Variants in ATP6V0A1 observed in about 807,000 individuals in gnomAD.
The protein encoded by ATP6V0A1 is V-type proton ATPase 116 kDa subunit a 1.
A neutral mutation model predicts 105.4 loss-of-function variants in ATP6V0A1; 43 were observed. The observed-to-expected ratio is 0.41, with a 90% CI of 0.32 to 0.53. ATP6V0A1 has a LOEUF of 0.53. Ranked by LOEUF, ATP6V0A1 falls within the 20% of genes least tolerant of loss-of-function variation. ATP6V0A1 has a pLI of 0.30. For missense variants in ATP6V0A1, 676 were observed against 1,051.1 expected, an observed-to-expected ratio of 0.64 and a Z score of 4.93; for synonymous variants, 362 against 372.8, an observed-to-expected ratio of 0.97 and a Z score of 0.33.
intron 9 of ATP6V0A1, among the ~76,000 whole-genome samples, chr17:42,486,575 A>G (rs1055073588): frequency 6.6e-6 from 1 of 152,210 alleles, no homozygotes; most frequent in African/African-American, 2.4e-5. Flanking sequence ...GAAGCCTGAC[A>G]TAAAGGTAAC....
At chr17:42,518,032 T>C (rs1010314064) in intron 21 of ATP6V0A1, 2 of 152,378 alleles carry the variant, frequency 1.3e-5, no homozygotes, top group East Asian at 3.9e-4. Context: ...GAGTTTTCTC[T>C]CTTTTCCTCC....
rs537139669 is a variant in ATP6V0A1, at chr17:42,465,144, C to T, written c.118-1285C>T. ...AGTAGCTGGGATTACAGGCATGTAC[C>T]ATCATGCCCGGCTAATTTTTTGTAT... On this transcript the variant is annotated intron_variant, in intron 2 of 21. Transcript: ENST00000343619. Among the ~76,000 whole-genome samples, 4 of 150,514 alleles carry T rather than the reference C, an allele frequency of 2.7e-5. No homozygotes were observed. The South Asian group carries it at 8.4e-4, about 32-fold the overall frequency.
chr17:42,502,539 A>G (rs1484341040), intron 17 of ATP6V0A1, among the ~76,000 whole-genome samples: 4 of 152,184 alleles, frequency 2.6e-5, no homozygotes, highest in Admixed American at 2.0e-4. Flanking sequence ...CGAGATGTTC[A>G]GTATCATGCA....
At chr17:42,459,537 G>A (rs2086158486) in intron 1 of ATP6V0A1, among the ~76,000 whole-genome samples, 1 of 152,190 alleles carries the variant, frequency 6.6e-6, no homozygotes, top group South Asian at 2.1e-4. Context: ...AGATATTCTT[G>A]GGAGACCTAT....
intron 5 of ATP6V0A1, among the ~76,000 whole-genome samples, chr17:42,473,719 C>A (rs1245697942): frequency 2.0e-5 from 3 of 152,112 alleles, no homozygotes; most frequent in Non-Finnish European, 4.4e-5. Context: ...AGCCAGCTTC[C>A]TATTATGGTT....
At chr17:42,480,627 A>G in intron 7 of ATP6V0A1, 40 bp from the exon 8 acceptor site, 1 of 1,578,186 alleles carries the variant, frequency 6.3e-7, no homozygotes, top group East Asian at 2.3e-5. Context: ...TCATCCAGAT[A>G]CAGAAGTCTG....
At chr17:42,479,273 A>G (rs548077051) in intron 7 of ATP6V0A1, among the ~76,000 whole-genome samples, 8 of 152,322 alleles carry the variant, frequency 5.3e-5, no homozygotes, top group African/African-American at 1.9e-4. Flanking sequence ...TGATCTTAAT[A>G]AGCTGATGAA....
At chr17:42,481,656 C>T (rs879744379) in intron 8 of ATP6V0A1, among the ~76,000 whole-genome samples, 5 of 151,992 alleles carry the variant, frequency 3.3e-5, no homozygotes, top group Admixed American at 3.3e-4. Context: ...CCAGCCTGGC[C>T]AACTTAGTGA....
chr17:42,500,699 C>G lies in ATP6V0A1; in HGVS notation c.1680-8C>G, dbSNP rs1394851001. 1 of 1,605,822 alleles carries G rather than the reference C, an allele frequency of 6.2e-7. No individual in the cohort carries two copies. The highest frequency in any genetic ancestry group is 8.5e-7 in the Non-Finnish European group (1 of 1,173,010). The stretch of plus-strand genomic sequence containing the variant: ...TACCCTTAACATTTTTTTCTCTCTC[C>G]TTTTTAGCTATTTCAAGAAGCCCCT... On this transcript the variant is annotated splice_polypyrimidine_tract_variant and splice_region_variant and intron_variant, in intron 15 of 21. Coordinates refer to ENST00000343619, the MANE Select transcript of ATP6V0A1 (RefSeq NM_001130021.3).
intron 2 of ATP6V0A1, among the ~76,000 whole-genome samples, chr17:42,463,386 T>C (rs1419892879): frequency 1.3e-5 from 2 of 152,196 alleles, no homozygotes; most frequent in African/African-American, 4.8e-5. Context: ...ACCTCTGTTT[T>C]GATTGCTGTC....
chr17:42,485,563 G>A (rs2090026237), intron 9 of ATP6V0A1, among the ~76,000 whole-genome samples: 1 of 151,718 alleles, frequency 6.6e-6, no homozygotes, highest in Admixed American at 6.6e-5. Context: ...GTTTTGTTTT[G>A]TTTTGTTTTA....
intron 10 of ATP6V0A1, among the ~76,000 whole-genome samples, chr17:42,487,599 G>A (rs2090226469): frequency 6.6e-6 from 1 of 152,088 alleles, no homozygotes; most frequent in Admixed American, 6.6e-5. Context: ...GTGTTGGCAG[G>A]CGCCTGTAGT....
intron 20 of ATP6V0A1, 75 bp from the exon 21 acceptor site, chr17:42,514,213 GA>G: frequency 6.6e-7 from 1 of 1,511,468 alleles, no homozygotes; most frequent in Non-Finnish European, 8.9e-7. Context: ...AGAGCAGGGG[GA>G]TGGCAGAGCA....
chr17:42,520,574 T>C (rs1188530973), intron 21 of ATP6V0A1: 2 of 456,936 alleles, frequency 4.4e-6, no homozygotes, highest in African/African-American at 4.0e-5. Flanking sequence ...CAACATTCAC[T>C]CCAAGCTCGC....
chr17:42,501,568 C>T (rs2091672732), intron 17 of ATP6V0A1, among the ~76,000 whole-genome samples: 1 of 151,996 alleles, frequency 6.6e-6, no homozygotes, highest in Non-Finnish European at 1.5e-5. Context: ...GTGTACGCCA[C>T]CACACCTGGC....
At chr17:42,510,176 C>T (rs889058363) in intron 19 of ATP6V0A1, 1 of 152,274 alleles carries the variant, frequency 6.6e-6, no homozygotes, top group Non-Finnish European at 1.5e-5. Flanking sequence ...CGTGACCACT[C>T]AGCAAGGGTC....
chr17:42,502,146 G>C (rs2091720597), intron 17 of ATP6V0A1, among the ~76,000 whole-genome samples: 1 of 152,224 alleles, frequency 6.6e-6, no homozygotes, highest in Non-Finnish European at 1.5e-5. Flanking sequence ...ATTCAGCTTT[G>C]AGTAGCTAGA....
In ATP6V0A1 at chr17:42,485,347, T is replaced by C. The variant is rs73297641; in HGVS notation, c.811-1808T>C. Among the ~76,000 whole-genome samples, 1,410 of 152,280 alleles carry C rather than the reference T, an allele frequency of 9.3e-3. 30 individuals are homozygous for C. Among genetic ancestry groups the C allele is most frequent in the African/African-American group, 0.032 (1,336 of 41,556 alleles). ...ATCTCCTTCCAGACCTATGGGTAGA[T>C]TTAAAGAGCATATGTGGTAGTCATT... On this transcript the variant is annotated intron_variant, in intron 9 of 21. Transcript: ENST00000343619.
intron 2 of ATP6V0A1, 106 bp from the exon 3 acceptor site, chr17:42,466,323 T>C (rs1033256584): frequency 4.6e-6 from 4 of 875,200 alleles, no homozygotes; most frequent in Admixed American, 4.1e-5. Flanking sequence ...TGTTGCATCA[T>C]GCATTGACAG....
Sources: allele counts gnomAD v4.1 joint callset (sites outside exome capture counted in the v4.1 genomes callset), GRCh38; gene constraint gnomAD v4.1.1; transcripts MANE v1.5; gene names NCBI Gene and HGNC (gene_info 2026-07-23, HGNC 2026-07-21).